SEMA6D: variants seen among roughly 807,000 people sequenced by gnomAD.
SEMA6D encodes semaphorin 6D, also known as semaphorin-6D.
SEMA6D carries 35 observed loss-of-function variants against 106.6 expected under a neutral mutation model. The observed-to-expected ratio is 0.33, with a 90% CI of 0.25 to 0.44. The LOEUF is 0.44. Ranked by LOEUF, SEMA6D falls within the 20% of genes least tolerant of loss-of-function variation. The probability of loss-of-function intolerance (pLI) is 1.00; values close to 1 mark genes in which losing one functional copy is unlikely to be tolerated. For synonymous variants in SEMA6D, 499 were observed against 487.7 expected, an observed-to-expected ratio of 1.02 and a Z score of -0.31; for missense variants, 1,185 against 1,345.9, an observed-to-expected ratio of 0.88 and a Z score of 1.87.
At chr15:47,678,009 A>G (rs2078278860) in intron 4 of SEMA6D, among the ~76,000 whole-genome samples, 1 of 152,214 alleles carries the variant, frequency 6.6e-6, no homozygotes, top group Non-Finnish European at 1.5e-5. Flanking sequence ...TCCTTTCTCA[A>G]CAAGAACCAC....
intron 1 of SEMA6D, among the ~76,000 whole-genome samples, chr15:47,252,236 G>C (rs777573793): frequency 6.6e-6 from 1 of 152,000 alleles, no homozygotes; most frequent in Admixed American, 6.5e-5. Flanking sequence ...TGAGTGTTGC[G>C]ATTTCTTCAT....
At chr15:47,705,661 A>G (rs2078899265) in intron 4 of SEMA6D, among the ~76,000 whole-genome samples, 1 of 152,126 alleles carries the variant, frequency 6.6e-6, no homozygotes, top group Admixed American at 6.6e-5. Context: ...GGCCTTTCCA[A>G]CCAGTGTTTT....
intron 2 of SEMA6D, among the ~76,000 whole-genome samples, chr15:47,427,089 G>C (rs913854738): frequency 1.3e-5 from 2 of 152,270 alleles, no homozygotes; most frequent in Non-Finnish European, 2.9e-5. Context: ...TTGTATTGAA[G>C]TAAGGTTCAT....
intron 1 of SEMA6D, among the ~76,000 whole-genome samples, chr15:47,222,275 A>G (rs1230021741): frequency 3.3e-5 from 5 of 152,234 alleles, no homozygotes; most frequent in Admixed American, 3.3e-4. Flanking sequence ...GCAAGCAGTC[A>G]TGGAGCTATC....
chr15:47,499,383 C>T (rs905783133), intron 3 of SEMA6D, among the ~76,000 whole-genome samples: 1 of 152,092 alleles, frequency 6.6e-6, no homozygotes, highest in Non-Finnish European at 1.5e-5. Context: ...ACCCGCAAAG[C>T]CAGATGAGAC....
intron 1 of SEMA6D, among the ~76,000 whole-genome samples, chr15:47,383,500 T>C (rs1481830574): frequency 1.3e-5 from 2 of 152,182 alleles, no homozygotes; most frequent in Non-Finnish European, 2.9e-5. Flanking sequence ...CTCTTTCACT[T>C]TGAGATCAGG....
At chr15:47,210,538 G>C (rs1376064101) in intron 1 of SEMA6D, among the ~76,000 whole-genome samples, 1 of 151,908 alleles carries the variant, frequency 6.6e-6, no homozygotes, top group Non-Finnish European at 1.5e-5. Context: ...ACTTTGGGAG[G>C]CTGAGGTGGG....
chr15:47,284,971 G>A (rs780185235), intron 1 of SEMA6D, among the ~76,000 whole-genome samples: 15 of 152,246 alleles, frequency 9.9e-5, no homozygotes, highest in Non-Finnish European at 1.6e-4. Context: ...ATGAATTCAC[G>A]TCAGCTCTGC....
chr15:47,692,878 A>G (rs1287104378), intron 4 of SEMA6D, among the ~76,000 whole-genome samples: 2 of 152,212 alleles, frequency 1.3e-5, no homozygotes, highest in East Asian at 3.9e-4. Context: ...AATGTTTACA[A>G]AAGACTGACT....
intron 1 of SEMA6D, among the ~76,000 whole-genome samples, chr15:47,752,853 A>G (rs1220694868): frequency 6.6e-6 from 1 of 151,692 alleles, no homozygotes; most frequent in East Asian, 2.1e-4. Flanking sequence ...TTCTAAAAGT[A>G]TAAAAATTAG....
intron 4 of SEMA6D, among the ~76,000 whole-genome samples, chr15:47,649,505 T>C (rs137899449): frequency 6.6e-6 from 1 of 152,096 alleles, no homozygotes; most frequent in East Asian, 1.9e-4. Flanking sequence ...AGCCAGGTGT[T>C]GTGGCATGTG....
At chr15:47,466,991 A>G (rs368079065) in intron 2 of SEMA6D, among the ~76,000 whole-genome samples, 45 of 152,018 alleles carry the variant, frequency 3.0e-4, no homozygotes, top group African/African-American at 1.0e-3. Flanking sequence ...GGCCTGCCAA[A>G]GTGCTGGGAT....
chr15:47,699,896 A>G (rs1596675227), intron 4 of SEMA6D, among the ~76,000 whole-genome samples: 2 of 152,336 alleles, frequency 1.3e-5, no homozygotes, highest in East Asian at 3.9e-4. Context: ...TTGATGAAAA[A>G]ACACCTCCTA....
At chr15:47,684,404 A>G (rs1267194268) in intron 4 of SEMA6D, among the ~76,000 whole-genome samples, 1 of 152,070 alleles carries the variant, frequency 6.6e-6, no homozygotes, top group African/African-American at 2.4e-5. Context: ...ATTCTTCAAG[A>G]TTATATTTAG....
chr15:47,473,315 C>T (rs1030426634), intron 3 of SEMA6D, among the ~76,000 whole-genome samples: 1 of 152,120 alleles, frequency 6.6e-6, no homozygotes, highest in African/African-American at 2.4e-5. Context: ...TTTGTGGAGC[C>T]AGTGGACCCT....
At chr15:47,190,373 T>C (rs1428601738) in intron 1 of SEMA6D, among the ~76,000 whole-genome samples, 1 of 152,242 alleles carries the variant, frequency 6.6e-6, no homozygotes, top group Non-Finnish European at 1.5e-5. Context: ...TGTATTAATT[T>C]TTAAGAACAG....
intron 3 of SEMA6D, among the ~76,000 whole-genome samples, chr15:47,494,745 T>TAG (rs1567119676): frequency 6.5e-4 from 23 of 35,576 alleles, no homozygotes; most frequent in African/African-American, 5.1e-3. Context: ...GATGGAGATA[T>TAG]ATATATATAT....
chr15:47,444,384 G>A (rs1290217908), intron 2 of SEMA6D, among the ~76,000 whole-genome samples: 1 of 152,122 alleles, frequency 6.6e-6, no homozygotes, highest in Non-Finnish European at 1.5e-5. Flanking sequence ...GTGCTAGGGA[G>A]TAAAGAATAG....
At chr15:47,438,976 A>G (rs2041805569) in intron 2 of SEMA6D, among the ~76,000 whole-genome samples, 1 of 151,944 alleles carries the variant, frequency 6.6e-6, no homozygotes, top group Non-Finnish European at 1.5e-5. Flanking sequence ...AACAGTTGGT[A>G]TGGTGGGATG....
Sources: gnomAD v4.1 joint callset for allele counts (sites outside exome capture counted in the v4.1 genomes callset) on GRCh38, gnomAD v4.1.1 for gene constraint, MANE v1.5 for transcripts, NCBI Gene and HGNC (gene_info 2026-07-23, HGNC 2026-07-21) for gene names.